Variants in PCDH11X observed in about 807,000 individuals in gnomAD.
PCDH11X encodes the protein protocadherin-11 X-linked.
Under a neutral mutation model 53.3 loss-of-function variants are expected in PCDH11X, and 18 were observed. The observed-to-expected ratio is 0.34, with a 90% confidence interval of 0.23 to 0.50. The LOEUF is 0.50. PCDH11X is among the 20% of genes least tolerant of loss of function. The pLI is 0.98. For missense variants in PCDH11X, 570 were observed against 1,032.4 expected, an observed-to-expected ratio of 0.55 and a Z score of 6.14; for synonymous variants, 279 against 393.3, an observed-to-expected ratio of 0.71 and a Z score of 3.44.
At position 91,866,148 on chromosome X, in the gene PCDH11X, C is replaced by G. The variant is rs1938977148; in HGVS notation, c.541-10633C>G. ...AAAAGAGAGACCTCCTCACTCTTAC[C>G]TCTCCTTTCCCTAAGTAGAAGAAAG... On this transcript the variant is annotated intron_variant, in intron 5 of 10. Coordinates refer to ENST00000682573, the MANE Select transcript of PCDH11X (RefSeq NM_032968.5). Among the ~76,000 whole-genome samples, 7 of 111,016 alleles carry G rather than the reference C, an allele frequency of 6.3e-5. No homozygotes were observed. In the Admixed American group the frequency reaches 6.7e-4, roughly 11 times the overall value.
rs187289451 is a variant in PCDH11X at position 91,938,215 on chromosome X, T to A, written c.3033+58942T>A. On this transcript the variant is annotated intron_variant, in intron 6 of 10. Transcript: ENST00000682573. ...TACACCCTCAGAAGCATATTTGTGG[T>A]TTTAAAAACTACTTGAACATTTTTA... Among the ~76,000 whole-genome samples the A allele has an allele frequency of 3.7e-4, 41 of 111,168 alleles. No individual in the cohort carries two copies. In the East Asian group the frequency reaches 0.011, roughly 29 times the overall value.
intron 1 of PCDH11X, among the ~76,000 whole-genome samples, chrX:91,799,312 C>T (rs948439633): frequency 1.8e-5 from 2 of 111,185 alleles, no homozygotes; most frequent in African/African-American, 6.5e-5. Flanking sequence ...AAATCACAAA[C>T]ATACCTAATT....
intron 6 of PCDH11X, among the ~76,000 whole-genome samples, chrX:92,008,628 G>GT (rs1242953579): frequency 0.025 from 2,536 of 99,963 alleles, 26 homozygotes; most frequent in Non-Finnish European, 0.029. Context: ...TCTTATGAAA[G>GT]TTTTTTTTTT....
At chrX:92,201,289 C>T (rs2066386477) in intron 6 of PCDH11X, 86 bp from the exon 7 acceptor site, 1 of 1,107,298 alleles carries the variant, frequency 9.0e-7, no homozygotes, top group South Asian at 2.2e-5. Flanking sequence ...TTTTAGCTAC[C>T]TATAGGCAAT....
intron 8 of PCDH11X, among the ~76,000 whole-genome samples, chrX:92,345,022 C>A (rs1389105231): frequency 3.7e-5 from 4 of 109,413 alleles, no homozygotes; most frequent in Non-Finnish European, 5.7e-5. Context: ...TAAAAATATT[C>A]TTTCTCTGTT....
chrX:92,224,911 G>A (rs1317067143), intron 7 of PCDH11X, among the ~76,000 whole-genome samples: 1 of 111,933 alleles, frequency 8.9e-6, no homozygotes, highest in Non-Finnish European at 1.9e-5. Flanking sequence ...CCAATTGTGT[G>A]TGCTGTGAGA....
intron 6 of PCDH11X, among the ~76,000 whole-genome samples, chrX:92,200,711 C>A (rs2066374728): frequency 9.0e-6 from 1 of 111,258 alleles, no homozygotes; most frequent in Non-Finnish European, 1.9e-5. Flanking sequence ...TATTAAATAT[C>A]TTTGTATGGC....
intron 6 of PCDH11X, among the ~76,000 whole-genome samples, chrX:91,993,385 G>C (rs2062358277): frequency 1.8e-5 from 2 of 112,330 alleles, no homozygotes; most frequent in Admixed American, 1.9e-4. Flanking sequence ...CAGATGAACA[G>C]AAATTGGAAG....
intron 4 of PCDH11X, among the ~76,000 whole-genome samples, chrX:91,815,984 T>C (rs1183644581): frequency 2.8e-5 from 3 of 107,708 alleles, no homozygotes; most frequent in Non-Finnish European, 5.7e-5. Context: ...AAAAATTAGC[T>C]GGGCATGATG....
At chrX:92,053,428 TTTAA>T (rs1325044454) in intron 6 of PCDH11X, among the ~76,000 whole-genome samples, 3 of 107,132 alleles carry the variant, frequency 2.8e-5, no homozygotes, top group South Asian at 4.1e-4. Flanking sequence ...CTATACTTTC[TTTAA>T]TTATTTAAAA....
At position 92,573,670 on chromosome X, in the gene PCDH11X, G is replaced by T. The variant is rs1221231339; in HGVS notation, c.3368-44594G>T. ...AATACCCATTTTGTCTTTAAATTTT[G>T]CCAGTTTCATAGAAATAATAATAAT... On this transcript the variant is annotated intron_variant, in intron 10 of 10. Transcript: ENST00000682573. Among the ~76,000 whole-genome samples, 20 of 109,888 alleles carry T rather than the reference G, an allele frequency of 1.8e-4. No individual in the cohort carries two copies. The Admixed American group carries it at 1.9e-3, about 10-fold the overall frequency.
chrX:92,007,256 C>A (rs2062614557), intron 6 of PCDH11X, among the ~76,000 whole-genome samples: 2 of 111,524 alleles, frequency 1.8e-5, no homozygotes, highest in African/African-American at 6.6e-5. Flanking sequence ...CAGGGACTAG[C>A]ATCAAAAACC....
At chrX:92,048,619 A>G (rs957838542) in intron 6 of PCDH11X, among the ~76,000 whole-genome samples, 1 of 111,644 alleles carries the variant, frequency 9.0e-6, no homozygotes, top group Non-Finnish European at 1.9e-5. Context: ...GGAAAGTAAC[A>G]CTCTTTGGTT....
chrX:91,974,085 A>G (rs1302793951), intron 6 of PCDH11X, among the ~76,000 whole-genome samples: 2 of 111,818 alleles, frequency 1.8e-5, no homozygotes, highest in African/African-American at 6.5e-5. Flanking sequence ...TTTTTTTTAT[A>G]TAATAGCAAA....
intron 6 of PCDH11X, among the ~76,000 whole-genome samples, chrX:92,144,485 G>A (rs773180693): frequency 5.4e-5 from 6 of 111,159 alleles, no homozygotes; most frequent in East Asian, 2.8e-4. Flanking sequence ...AGGGTTTTCC[G>A]CTTTTGCTTC....
chrX:92,483,691 A>G (rs3933226), intron 10 of PCDH11X, among the ~76,000 whole-genome samples: 11,889 of 95,090 alleles, frequency 0.13, 891 homozygotes, highest in East Asian at 0.43. Flanking sequence ...TGAAGAATTT[A>G]CACCCAATTT....
intron 5 of PCDH11X, among the ~76,000 whole-genome samples, chrX:91,863,199 G>C (rs914209019): frequency 9.4e-6 from 1 of 105,937 alleles, no homozygotes; most frequent in South Asian, 4.4e-4. Flanking sequence ...TAAAAGTGGG[G>C]CATTGAAGTC....
At chrX:92,455,819 A>G (rs1159747991) in intron 9 of PCDH11X, among the ~76,000 whole-genome samples, 1 of 87,851 alleles carries the variant, frequency 1.1e-5, no homozygotes, top group Non-Finnish European at 2.2e-5. Context: ...ATATGAGTAC[A>G]TTTCTCTCTG....
chrX:92,032,943 G>A (rs1177380916), intron 6 of PCDH11X, among the ~76,000 whole-genome samples: 10 of 106,162 alleles, frequency 9.4e-5, no homozygotes, highest in Non-Finnish European at 3.8e-5. Flanking sequence ...GCCTCCCAAA[G>A]AACTGGGACT....
Sources: allele counts gnomAD v4.1 joint callset (sites outside exome capture counted in the v4.1 genomes callset), GRCh38; gene constraint gnomAD v4.1.1; transcripts MANE v1.5; gene names NCBI Gene and HGNC (gene_info 2026-07-23, HGNC 2026-07-21).